Variants in KCND2 observed in about 807,000 individuals in gnomAD.
KCND2 encodes potassium voltage-gated channel subfamily D member 2.
KCND2 carries 16 observed loss-of-function variants against 54.4 expected under a neutral mutation model. The observed-to-expected ratio is 0.29, with a 90% CI of 0.20 to 0.45. KCND2 has a LOEUF of 0.45. Among genes scored for constraint, KCND2 ranks in the 20% least tolerant of loss-of-function variants. The probability of loss-of-function intolerance (pLI) is 1.00; values close to 1 mark genes in which losing one functional copy is unlikely to be tolerated. For synonymous variants in KCND2, 317 were observed against 310.7 expected (o/e 1.02, Z -0.21); for missense variants, 486 against 824.2 (o/e 0.59, Z 5.02).
chr7:120,481,093 A>G (rs1802602243), intron 1 of KCND2, among the ~76,000 whole-genome samples: 1 of 152,242 alleles, frequency 6.6e-6, no homozygotes, highest in Non-Finnish European at 1.5e-5. Flanking sequence ...CAATGCTGGT[A>G]AAGGCCAGTC....
intron 1 of KCND2, among the ~76,000 whole-genome samples, chr7:120,568,414 C>T (rs1256473110): frequency 6.6e-6 from 1 of 152,000 alleles, no homozygotes; most frequent in African/African-American, 2.4e-5. Flanking sequence ...TCTTGAACTT[C>T]AAATAATTTA....
At chr7:120,333,191 C>T (rs117571082) in intron 1 of KCND2, among the ~76,000 whole-genome samples, 1 of 151,962 alleles carries the variant, frequency 6.6e-6, no homozygotes, top group Non-Finnish European at 1.5e-5. Flanking sequence ...TTAGTAGGAA[C>T]GAGTTATTTA....
At chr7:120,624,644 G>A (rs78302575) in intron 1 of KCND2, among the ~76,000 whole-genome samples, 1 of 151,924 alleles carries the variant, frequency 6.6e-6, no homozygotes, top group Non-Finnish European at 1.5e-5. Flanking sequence ...AGCCTAGCAT[G>A]GTGGCCCACG....
chr7:120,437,979 G>C (rs1439827507), intron 1 of KCND2, among the ~76,000 whole-genome samples: 2 of 152,096 alleles, frequency 1.3e-5, no homozygotes, highest in African/African-American at 4.8e-5. Context: ...AGAGATTCTG[G>C]GTTGCAGTAC....
At chr7:120,584,596 C>T (rs1792567318) in intron 1 of KCND2, among the ~76,000 whole-genome samples, 1 of 152,238 alleles carries the variant, frequency 6.6e-6, no homozygotes, top group Non-Finnish European at 1.5e-5. Context: ...ACCTGCAGAA[C>T]ATCTTCATGT....
intron 1 of KCND2, among the ~76,000 whole-genome samples, chr7:120,657,582 A>G (rs1045269921): frequency 1.3e-5 from 2 of 152,176 alleles, no homozygotes; most frequent in Non-Finnish European, 2.9e-5. Flanking sequence ...TAAGGTGGCT[A>G]ATGCTTGTAA....
chr7:120,421,318 C>A (rs1043823479), intron 1 of KCND2, among the ~76,000 whole-genome samples: 1 of 152,146 alleles, frequency 6.6e-6, no homozygotes, highest in African/African-American at 2.4e-5. Context: ...GATGATGAAA[C>A]TGTGGCTCTG....
chr7:120,493,855 C>A (rs892991024), intron 1 of KCND2, among the ~76,000 whole-genome samples: 3 of 152,098 alleles, frequency 2.0e-5, no homozygotes, highest in Non-Finnish European at 4.4e-5. Context: ...GCATAATCCA[C>A]AGTAGTGTTA....
At chr7:120,711,699 T>C (rs1792540296) in intron 1 of KCND2, among the ~76,000 whole-genome samples, 1 of 152,176 alleles carries the variant, frequency 6.6e-6, no homozygotes, top group Admixed American at 6.5e-5. Flanking sequence ...TTTATAGAAG[T>C]TCTGTTCAGG....
intron 1 of KCND2, among the ~76,000 whole-genome samples, chr7:120,571,232 T>C (rs1195472421): frequency 6.6e-6 from 1 of 152,230 alleles, no homozygotes. Flanking sequence ...TTGTGACTTA[T>C]CCATTGATCT....
chr7:120,693,742 G>A (rs1366420078), intron 1 of KCND2, among the ~76,000 whole-genome samples: 2 of 152,150 alleles, frequency 1.3e-5, no homozygotes, highest in Non-Finnish European at 1.5e-5. Flanking sequence ...ACACAAAAAG[G>A]TTGCAGTCAC....
chr7:120,295,327 GA>G (rs1219924682), intron 1 of KCND2, among the ~76,000 whole-genome samples: 1 of 146,466 alleles, frequency 6.8e-6, no homozygotes, highest in South Asian at 2.2e-4. Context: ...TTTCTGCCCT[GA>G]AAAAATATGT....
intron 1 of KCND2, among the ~76,000 whole-genome samples, chr7:120,546,002 G>T (rs376349004): frequency 1.3e-5 from 2 of 151,810 alleles, no homozygotes; most frequent in African/African-American, 2.4e-5. Flanking sequence ...TAAAATGATG[G>T]TGTATAAGGA....
chr7:120,456,413 G>A (rs888627307), intron 1 of KCND2, among the ~76,000 whole-genome samples: 8 of 151,992 alleles, frequency 5.3e-5, no homozygotes, highest in African/African-American at 1.7e-4. Flanking sequence ...CATTGATTTG[G>A]CACTTTAAAC....
chr7:120,525,050 T>C (rs1791756357), intron 1 of KCND2, among the ~76,000 whole-genome samples: 2 of 152,184 alleles, frequency 1.3e-5, no homozygotes, highest in African/African-American at 4.8e-5. Context: ...TGGTTTATCT[T>C]GAACTATATT....
intron 1 of KCND2, among the ~76,000 whole-genome samples, chr7:120,576,866 G>A (rs1051862186): frequency 6.6e-6 from 1 of 152,114 alleles, no homozygotes; most frequent in African/African-American, 2.4e-5. Context: ...TAATGGAGAG[G>A]CTGGGCGCGG....
At position 120,492,598 on chromosome 7, in the gene KCND2, T is replaced by C. The variant is rs570711418; in HGVS notation, c.1115+216851T>C. Among the ~76,000 whole-genome samples, 4 of 152,214 alleles carry C rather than the reference T, an allele frequency of 2.6e-5. No individual in the cohort carries two copies. The East Asian group carries it at 7.7e-4, about 29-fold the overall frequency. ...TAGTTCATAGATGGCACCTTCTAGC[T>C]GTGTCCTGAAACGCAAAGCAGCTCT... On this transcript the variant is annotated intron_variant, in intron 1 of 5. Transcript: ENST00000331113.
At chr7:120,512,419 C>CA (rs954106480) in intron 1 of KCND2, among the ~76,000 whole-genome samples, 22 of 143,060 alleles carry the variant, frequency 1.5e-4, no homozygotes, top group East Asian at 4.1e-4. Flanking sequence ...TGTTAGTAAA[C>CA]AAAAAAAAAA....
chr7:120,649,149 G>A (rs1791692862), intron 1 of KCND2, among the ~76,000 whole-genome samples: 1 of 151,672 alleles, frequency 6.6e-6, no homozygotes, highest in South Asian at 2.1e-4. Flanking sequence ...CAGAATTTCA[G>A]ACTAGACCTC....
Sources: gnomAD v4.1 joint callset for allele counts (sites outside exome capture counted in the v4.1 genomes callset) on GRCh38, gnomAD v4.1.1 for gene constraint, MANE v1.5 for transcripts, NCBI Gene and HGNC (gene_info 2026-07-23, HGNC 2026-07-21) for gene names.